The following PAK2 variants were observed in gnomAD, a reference collection of about 807,000 sequenced individuals.
PAK2 encodes the protein p21 (RAC1) activated kinase 2.
PAK2 carries 21 observed loss-of-function variants against 65.9 expected under a neutral mutation model. The observed-to-expected ratio is 0.32, with a 90% CI of 0.23 to 0.46. The LOEUF (loss-of-function observed/expected upper bound fraction) is 0.46, where lower values mean the gene tolerates loss of function less well. Ranked by LOEUF, PAK2 falls within the 20% of genes least tolerant of loss-of-function variation. PAK2 has a pLI of 1.00. For missense variants in PAK2, 324 were observed against 642.6 expected, an observed-to-expected ratio of 0.50 and a Z score of 5.36; for synonymous variants, 204 against 219.7, an observed-to-expected ratio of 0.93 and a Z score of 0.63.
intron 6 of PAK2, among the ~76,000 whole-genome samples, chr3:196,807,266 G>A (rs946118642): frequency 2.0e-5 from 3 of 152,138 alleles, no homozygotes; most frequent in Non-Finnish European, 2.9e-5. Context: ...CTGGCACAGC[G>A]GGCAGGCAGA....
At chr3:196,745,559 A>G (rs1290296503) in intron 1 of PAK2, among the ~76,000 whole-genome samples, 1 of 152,150 alleles carries the variant, frequency 6.6e-6, no homozygotes, top group Non-Finnish European at 1.5e-5. Flanking sequence ...TACGCCTGTA[A>G]TCCCAGCACT....
At chr3:196,799,735 G>T (rs1166385215) in intron 2 of PAK2, among the ~76,000 whole-genome samples, 1 of 152,072 alleles carries the variant, frequency 6.6e-6, no homozygotes, top group Non-Finnish European at 1.5e-5. Flanking sequence ...GCTCACTGCA[G>T]CCTCCACCTC....
chr3:196,799,577 A>C (rs1577730119), intron 2 of PAK2, among the ~76,000 whole-genome samples: 1 of 152,304 alleles, frequency 6.6e-6, no homozygotes, highest in Non-Finnish European at 1.5e-5. Flanking sequence ...TGACACAACA[A>C]GAAGGACCCT....
At chr3:196,785,415 T>C (rs1032775415) in intron 2 of PAK2, among the ~76,000 whole-genome samples, 1 of 152,340 alleles carries the variant, frequency 6.6e-6, no homozygotes, top group South Asian at 2.1e-4. Context: ...TCAGATTGTT[T>C]TCTAAAAGTT....
chr3:196,745,867 A>AT (rs1713361187), intron 1 of PAK2, among the ~76,000 whole-genome samples: 1 of 150,886 alleles, frequency 6.6e-6, no homozygotes, highest in Non-Finnish European at 1.5e-5. Context: ...GTTCATTGGT[A>AT]TTTTTATTAT....
intron 1 of PAK2, among the ~76,000 whole-genome samples, chr3:196,745,585 G>A (rs917523606): frequency 9.9e-5 from 15 of 152,124 alleles, no homozygotes; most frequent in African/African-American, 3.6e-4. Context: ...AGGCCTAGGT[G>A]GGTGGATCAC....
At chr3:196,740,882 C>CACAGATTTCTCTGTGG (rs148355982) in intron 1 of PAK2, among the ~76,000 whole-genome samples, 1,627 of 152,272 alleles carry the variant, frequency 0.011, 26 homozygotes, top group African/African-American at 0.036. Context: ...AAAACGTTGC[C>CACAGATTTCTCTGTGG]ACTCAACCTT....
chr3:196,753,504 T>C (rs1197302674), intron 1 of PAK2, among the ~76,000 whole-genome samples: 1 of 152,240 alleles, frequency 6.6e-6, no homozygotes, highest in Non-Finnish European at 1.5e-5. Flanking sequence ...TAATTATTTC[T>C]TTTATCTCGC....
chr3:196,743,295 C>A (rs1713268137), intron 1 of PAK2, among the ~76,000 whole-genome samples: 1 of 152,094 alleles, frequency 6.6e-6, no homozygotes, highest in African/African-American at 2.4e-5. Context: ...TCCATGTATC[C>A]CATGTGGTTA....
At chr3:196,753,359 C>T (rs1713669776) in intron 1 of PAK2, among the ~76,000 whole-genome samples, 2 of 152,092 alleles carry the variant, frequency 1.3e-5, no homozygotes, top group Admixed American at 1.3e-4. Context: ...GTCCTCCCAT[C>T]TCAGCCGCCT....
chr3:196,825,174 C>T (rs867431781), intron 13 of PAK2, among the ~76,000 whole-genome samples: 21 of 150,708 alleles, frequency 1.4e-4, no homozygotes, highest in Middle Eastern at 3.2e-3. Context: ...GGTGAAACCC[C>T]ACCTCTACTA....
chr3:196,765,438 C>T (rs950436779), intron 1 of PAK2, among the ~76,000 whole-genome samples: 7 of 152,132 alleles, frequency 4.6e-5, no homozygotes, highest in Non-Finnish European at 8.8e-5. Context: ...TGCGAGCCAC[C>T]GCATCCAGCC....
chr3:196,778,644 C>G (rs1714612828), intron 1 of PAK2, among the ~76,000 whole-genome samples: 2 of 152,190 alleles, frequency 1.3e-5, no homozygotes, highest in African/African-American at 4.8e-5. Flanking sequence ...TAACCAAATT[C>G]TAGGATTTAT....
Position 196,782,695 on chromosome 3 carries a change from C to A in PAK2, c.49C>A (p.Arg17=). 2.5e-6 allele frequency: 4 copies of A among 1,610,426 alleles called. No individual in the cohort carries two copies. The highest frequency in any genetic ancestry group is 1.1e-5 in the South Asian group (1 of 90,850). ...AGATAAGCCTCCAGCACCTCCTGTG[C>A]GAATGAGCAGCACCATCTTTAGCAC... is the stretch of plus-strand genomic sequence containing the variant. ...LEDKPPAPPV[R]MSSTIFSTGG... Residue 17 remains arginine, a synonymous_variant, in exon 2 of 15, where the codon CGA becomes AGA. Transcript: ENST00000327134.
At chr3:196,797,514 G>A (rs183262420) in intron 2 of PAK2, among the ~76,000 whole-genome samples, 37 of 151,728 alleles carry the variant, frequency 2.4e-4, no homozygotes, top group African/African-American at 8.5e-4. Flanking sequence ...AGCACTTTGC[G>A]AGGCCGAAGT....
At chr3:196,806,528 C>T in intron 5 of PAK2, 51 bp from the exon 6 acceptor site, 1 of 1,113,240 alleles carries the variant, frequency 9.0e-7, no homozygotes, top group Non-Finnish European at 1.4e-6. Context: ...GCGATAGTCG[C>T]ATTTAAGCCT....
chr3:196,770,132 C>T (rs1415581198), intron 1 of PAK2, among the ~76,000 whole-genome samples: 2 of 151,924 alleles, frequency 1.3e-5, no homozygotes, highest in Non-Finnish European at 2.9e-5. Flanking sequence ...TAGTATGCAC[C>T]TGTAGTTCCA....
chr3:196,811,946 A>G (rs2108765567), intron 8 of PAK2, among the ~76,000 whole-genome samples: 1 of 152,204 alleles, frequency 6.6e-6, no homozygotes, highest in Middle Eastern at 3.4e-3. Context: ...AGGGAAGTGT[A>G]TCCTTAAGTA....
At chr3:196,790,150 A>C (rs910714753) in intron 2 of PAK2, among the ~76,000 whole-genome samples, 19 of 152,360 alleles carry the variant, frequency 1.2e-4, no homozygotes, top group Non-Finnish European at 2.5e-4. Flanking sequence ...TTAGACTAGA[A>C]ACAGAAGAGT....
Sources: gnomAD v4.1 joint callset for allele counts (sites outside exome capture counted in the v4.1 genomes callset) on GRCh38, gnomAD v4.1.1 for gene constraint, MANE v1.5 for transcripts, NCBI Gene and HGNC (gene_info 2026-07-23, HGNC 2026-07-21) for gene names.